NRG1: variants seen among roughly 807,000 people sequenced by gnomAD.
NRG1 encodes the protein pro-neuregulin-1, membrane-bound isoform.
In NRG1, 18 loss-of-function variants were observed where a neutral mutation model predicts 63.8. The observed-to-expected ratio is 0.28, with a 90% confidence interval of 0.19 to 0.42. NRG1 has a LOEUF of 0.42. NRG1 is among the 10% of genes least tolerant of loss of function. The pLI is 1.00. For synonymous variants in NRG1, 302 were observed against 301.3 expected (o/e 1.00, Z -0.02); for missense variants, 762 against 814.7 (o/e 0.94, Z 0.79).
At chr8:31,665,244 A>C (rs1014340837) in intron 1 of NRG1, among the ~76,000 whole-genome samples, 1 of 152,212 alleles carries the variant, frequency 6.6e-6, no homozygotes, top group African/African-American at 2.4e-5. Flanking sequence ...AACTTCCTTA[A>C]CCATTGACAG....
intron 1 of NRG1, among the ~76,000 whole-genome samples, chr8:31,655,015 C>A (rs1409971276): frequency 6.6e-6 from 1 of 152,142 alleles, no homozygotes; most frequent in Non-Finnish European, 1.5e-5. Flanking sequence ...CCATTCCTTT[C>A]CCCTCAGATT....
At chr8:31,854,093 C>T (rs55750561) in intron 1 of NRG1, among the ~76,000 whole-genome samples, 22,696 of 151,194 alleles carry the variant, frequency 0.15, 1,996 homozygotes, top group Non-Finnish European at 0.19. Context: ...TGTGTCTCTG[C>T]CCGGCTTTGG....
chr8:31,704,066 A>G (rs767354510), intron 1 of NRG1, among the ~76,000 whole-genome samples: 6 of 152,178 alleles, frequency 3.9e-5, no homozygotes, highest in Non-Finnish European at 7.3e-5. Flanking sequence ...AACCAATCCA[A>G]TGAGTTTCCT....
intron 5 of NRG1, among the ~76,000 whole-genome samples, chr8:32,721,202 T>C (rs1381317481): frequency 6.6e-6 from 1 of 152,204 alleles, no homozygotes; most frequent in Non-Finnish European, 1.5e-5. Context: ...GCAGAACTAT[T>C]CTTTTGAGAT....
At chr8:32,555,665 G>A (rs1666886604) in intron 1 of NRG1, among the ~76,000 whole-genome samples, 1 of 152,154 alleles carries the variant, frequency 6.6e-6, no homozygotes, top group Non-Finnish European at 1.5e-5. Context: ...TAGAGACGGG[G>A]TTTCACCGTG....
intron 1 of NRG1, among the ~76,000 whole-genome samples, chr8:31,927,995 TAA>T (rs367890417): frequency 1.4e-5 from 2 of 139,740 alleles, no homozygotes; most frequent in Non-Finnish European, 3.1e-5. Flanking sequence ...TAGGTATATT[TAA>T]AAAAAAAAAA....
chr8:32,711,364 T>C (rs998497488), intron 5 of NRG1, among the ~76,000 whole-genome samples: 2 of 152,106 alleles, frequency 1.3e-5, no homozygotes, highest in Non-Finnish European at 2.9e-5. Flanking sequence ...TAGCTAAGAA[T>C]TTTCATGCTT....
chr8:32,099,365 C>T (rs977091078), intron 1 of NRG1: 4 of 152,480 alleles, frequency 2.6e-5, no homozygotes, highest in African/African-American at 9.6e-5. Flanking sequence ...GTTTCTCCTG[C>T]TCCCAACAAC....
intron 1 of NRG1, among the ~76,000 whole-genome samples, chr8:32,013,362 C>T (rs1225261523): frequency 6.6e-6 from 1 of 152,086 alleles, no homozygotes; most frequent in African/African-American, 2.4e-5. Context: ...GGAGACAGAG[C>T]ATCAAAGTGA....
intron 1 of NRG1, among the ~76,000 whole-genome samples, chr8:31,788,232 G>A (rs1384722198): frequency 6.6e-6 from 1 of 152,006 alleles, no homozygotes; most frequent in East Asian, 1.9e-4. Flanking sequence ...CTGAATGAGA[G>A]CTCTGTTAAC....
At chr8:32,191,088 ATT>A (rs113888865) in intron 1 of NRG1, among the ~76,000 whole-genome samples, 7 of 146,096 alleles carry the variant, frequency 4.8e-5, no homozygotes, top group Admixed American at 6.9e-5. Context: ...CAGTTATTAG[ATT>A]TTTTTTTTTT....
At chr8:31,833,247 G>A (rs139899931) in intron 1 of NRG1, among the ~76,000 whole-genome samples, 1 of 152,266 alleles carries the variant, frequency 6.6e-6, no homozygotes, top group East Asian at 1.9e-4. Context: ...TTTACACAAA[G>A]GCTATGTTGA....
At chr8:31,737,822 A>G (rs1006180818) in intron 1 of NRG1, among the ~76,000 whole-genome samples, 5 of 152,098 alleles carry the variant, frequency 3.3e-5, no homozygotes, top group African/African-American at 1.2e-4. Flanking sequence ...ACAGTTCAAT[A>G]TATTTGGAAA....
intron 1 of NRG1, among the ~76,000 whole-genome samples, chr8:31,703,026 A>C (rs1248700455): frequency 6.6e-6 from 1 of 150,648 alleles, no homozygotes; most frequent in Non-Finnish European, 1.5e-5. Context: ...GAAGAGTTCA[A>C]AATTTATAAG....
At chr8:32,215,918 G>C (rs879760305) in intron 1 of NRG1, among the ~76,000 whole-genome samples, 1 of 151,970 alleles carries the variant, frequency 6.6e-6, no homozygotes. Context: ...GTGTGTGCCT[G>C]TAGTCCCAGC....
At chr8:32,137,565 C>G (rs1416176599) in intron 1 of NRG1, among the ~76,000 whole-genome samples, 1 of 152,124 alleles carries the variant, frequency 6.6e-6, no homozygotes, top group Non-Finnish European at 1.5e-5. Flanking sequence ...ATGCATATGT[C>G]AAGTGTCGTG....
chr8:32,197,224 A>T (rs1297679540), intron 1 of NRG1, among the ~76,000 whole-genome samples: 2 of 151,892 alleles, frequency 1.3e-5, no homozygotes, highest in East Asian at 3.9e-4. Flanking sequence ...GGCCTCCCAA[A>T]GTGCTGGGAT....
rs562079681 is a variant in NRG1, at chr8:31,748,341, T to C, written c.37+108910T>C. 4.1e-4 allele frequency among the ~76,000 whole-genome samples: 62 copies of C among 152,090 alleles called. 1 individual carries two copies. The highest frequency in any genetic ancestry group is 1.3e-3 in the African/African-American group (55 of 41,558). ...ACAATAATCTTATGGGTACTGCTAA[T>C]TGTGCCCATTTCACAGATGAGAAGA... is the stretch of plus-strand genomic sequence containing the variant. On this transcript the variant is annotated intron_variant, in intron 1 of 10. Transcript: ENST00000519301.
intron 1 of NRG1, among the ~76,000 whole-genome samples, chr8:31,689,610 C>G (rs1012601527): frequency 6.6e-6 from 1 of 152,138 alleles, no homozygotes; most frequent in African/African-American, 2.4e-5. Context: ...TGCTTTATTT[C>G]TTTATTTATC....
Sources: gnomAD v4.1 joint callset for allele counts (sites outside exome capture counted in the v4.1 genomes callset) on GRCh38, gnomAD v4.1.1 for gene constraint, MANE v1.5 for transcripts, NCBI Gene and HGNC (gene_info 2026-07-23, HGNC 2026-07-21) for gene names.